Variants in SEMA3A observed in about 807,000 individuals in gnomAD.
SEMA3A encodes the protein semaphorin-3A.
A neutral mutation model predicts 97.9 loss-of-function variants in SEMA3A; 29 were observed. The observed-to-expected ratio is 0.30, with a 90% CI of 0.22 to 0.40. The LOEUF (loss-of-function observed/expected upper bound fraction) is 0.40, where lower values mean the gene tolerates loss of function less well. Ranked by LOEUF, SEMA3A falls within the 10% of genes least tolerant of loss-of-function variation. The pLI is 1.00. For synonymous variants in SEMA3A, 321 were observed against 323.7 expected (o/e 0.99, Z 0.09); for missense variants, 763 against 951.3 (o/e 0.80, Z 2.60).
intron 6 of SEMA3A, among the ~76,000 whole-genome samples, chr7:84,043,589 A>C (rs2115567561): frequency 6.6e-6 from 1 of 152,250 alleles, no homozygotes; most frequent in African/African-American, 2.4e-5. Context: ...CTGATGCCTC[A>C]AAACTCATTT....
At chr7:84,019,373 G>A (rs1791233723) in intron 6 of SEMA3A, among the ~76,000 whole-genome samples, 1 of 148,786 alleles carries the variant, frequency 6.7e-6, no homozygotes, top group Non-Finnish European at 1.5e-5. Flanking sequence ...GATTAGGAGT[G>A]TACAGAGTAA....
chr7:84,363,037 T>C (rs958192921), intron 2 of SEMA3A, among the ~76,000 whole-genome samples: 3 of 151,930 alleles, frequency 2.0e-5, no homozygotes, highest in African/African-American at 7.2e-5. Context: ...GAGCAGGAAA[T>C]AGATGATATG....
At chr7:84,033,273 A>C (rs1015003114) in intron 6 of SEMA3A, among the ~76,000 whole-genome samples, 1 of 152,194 alleles carries the variant, frequency 6.6e-6, no homozygotes, top group African/African-American at 2.4e-5. Context: ...TAGTTATGGA[A>C]AATTTTTAGG....
At chr7:84,089,839 A>T (rs1473500324) in intron 4 of SEMA3A, among the ~76,000 whole-genome samples, 1 of 151,930 alleles carries the variant, frequency 6.6e-6, no homozygotes, top group Non-Finnish European at 1.5e-5. Flanking sequence ...CTTTTGTACT[A>T]TCAGACTAAA....
chr7:84,139,500 T>C (rs1789553445), intron 1 of SEMA3A, among the ~76,000 whole-genome samples: 1 of 152,040 alleles, frequency 6.6e-6, no homozygotes, highest in African/African-American at 2.4e-5. Context: ...TTTAGTGTGT[T>C]TATGAGTTGC....
At chr7:84,387,927 G>A (rs1803441047) in intron 1 of SEMA3A, among the ~76,000 whole-genome samples, 1 of 152,202 alleles carries the variant, frequency 6.6e-6, no homozygotes, top group South Asian at 2.1e-4. Flanking sequence ...AGTCCAGGCT[G>A]TTATACAAAA....
At chr7:84,325,117 CTCTATCTA>C (rs60907885) in intron 2 of SEMA3A, among the ~76,000 whole-genome samples, 1,673 of 149,136 alleles carry the variant, frequency 0.011, 15 homozygotes, top group African/African-American at 0.022. Flanking sequence ...ATGTATATAT[CTCTATCTA>C]TCTATCTATC....
chr7:84,066,536 C>G (rs2115727784), intron 4 of SEMA3A, among the ~76,000 whole-genome samples: 1 of 149,568 alleles, frequency 6.7e-6, no homozygotes, highest in Non-Finnish European at 1.5e-5. Flanking sequence ...TGTCTCAGCC[C>G]AAAATCTCCT....
intron 1 of SEMA3A, among the ~76,000 whole-genome samples, chr7:84,155,198 G>A (rs1056425945): frequency 2.8e-4 from 43 of 152,070 alleles, no homozygotes; most frequent in African/African-American, 8.7e-4. Flanking sequence ...ACTCTTCCCC[G>A]TGAAGATTTT....
At chr7:84,066,111 T>C (rs1240686955) in intron 4 of SEMA3A, among the ~76,000 whole-genome samples, 2 of 151,496 alleles carry the variant, frequency 1.3e-5, no homozygotes, top group Non-Finnish European at 2.9e-5. Flanking sequence ...CAAGGCTGGT[T>C]TAATATACGC....
chr7:84,119,402 A>T (rs1054476474), intron 3 of SEMA3A, among the ~76,000 whole-genome samples: 2 of 152,150 alleles, frequency 1.3e-5, no homozygotes, highest in South Asian at 4.1e-4. Context: ...ATAATTTTGC[A>T]GTCTGTTTTC....
At chr7:84,440,322 AC>A (rs773693495) in intron 1 of SEMA3A, among the ~76,000 whole-genome samples, 3 of 152,140 alleles carry the variant, frequency 2.0e-5, no homozygotes, top group Non-Finnish European at 4.4e-5. Context: ...ACCCCTCAGC[AC>A]CATATCAAGC....
intron 3 of SEMA3A, among the ~76,000 whole-genome samples, chr7:84,227,589 C>T (rs909600387): frequency 2.6e-5 from 4 of 151,982 alleles, no homozygotes; most frequent in African/African-American, 9.7e-5. Flanking sequence ...AGTTCTACAG[C>T]CATGAGTGTT....
rs148506716 is a variant in SEMA3A, at chr7:84,143,390, T to G, written c.113-8439A>C. ...TCAAATATAGTGAAACTTGAAACAT[T>G]TTGATATAAAATGCTGAGATCTGGC... On this transcript the variant is annotated intron_variant, in intron 1 of 16. Coordinates refer to ENST00000265362, the MANE Select transcript of SEMA3A (RefSeq NM_006080.3). Among the ~76,000 whole-genome samples, 88 of 152,288 alleles carry G rather than the reference T, an allele frequency of 5.8e-4. No individual in the cohort carries two copies. In the East Asian group the frequency reaches 0.013, roughly 22 times the overall value.
rs2116402436 is a variant in SEMA3A at position 84,007,483 on chromosome 7, C to A, written c.1010G>T (p.Gly337Val). 1 of 1,568,610 alleles carries A rather than the reference C, an allele frequency of 6.4e-7. No homozygotes were observed. Among genetic ancestry groups the A allele is most frequent in the Non-Finnish European group, 8.6e-7 (1 of 1,156,830 alleles). The stretch of plus-strand genomic sequence containing the variant: ...CATGCTATACATACACACGGCTGAT[C>A]CCTTGAAAATGTTACTGAACAAGAC... ...VFTTSSNIFK[G>V]SAVCMYSMSD... Residue 337 changes from glycine to valine, a missense_variant, in exon 10 of 17, where the codon GGA becomes GTA. Around this residue, in one of 2 missense-constraint regions of SEMA3A, gnomAD observed 678 missense variants for 881.3 expected, o/e 0.77. Coordinates refer to ENST00000265362, the MANE Select transcript of SEMA3A (RefSeq NM_006080.3).
chr7:84,241,075 G>A (rs561636636), intron 3 of SEMA3A, among the ~76,000 whole-genome samples: 1 of 152,004 alleles, frequency 6.6e-6, no homozygotes, highest in Non-Finnish European at 1.5e-5. Flanking sequence ...TACATGTGCT[G>A]GTGCCTTTAT....
chr7:84,391,671 A>T (rs750801379), intron 1 of SEMA3A, among the ~76,000 whole-genome samples: 2 of 152,044 alleles, frequency 1.3e-5, no homozygotes, highest in Non-Finnish European at 2.9e-5. Context: ...AAAACATTTT[A>T]AAAAATTATC....
chr7:84,193,523 A>G (rs35732081), intron 1 of SEMA3A, among the ~76,000 whole-genome samples: 9,558 of 152,130 alleles, frequency 0.063, 350 homozygotes, highest in African/African-American at 0.092. Context: ...TTGAGTTAAA[A>G]CAGTTTAATC....
chr7:84,209,422 C>T (rs975815700), intron 3 of SEMA3A, among the ~76,000 whole-genome samples: 3 of 152,004 alleles, frequency 2.0e-5, no homozygotes, highest in African/African-American at 7.2e-5. Flanking sequence ...TGAGGGAAAC[C>T]CAACCTGAGT....
Sources: gnomAD v4.1 joint callset for allele counts (sites outside exome capture counted in the v4.1 genomes callset) on GRCh38, gnomAD v4.1.1 for gene constraint, gnomAD v4.1.1 regional missense constraint, MANE v1.5 for transcripts, NCBI Gene and HGNC (gene_info 2026-07-23, HGNC 2026-07-21) for gene names.